DIDO1: variants seen among roughly 807,000 people sequenced by gnomAD.
DIDO1 encodes death inducer-obliterator 1, also known as death-inducer obliterator 1.
In DIDO1, 16 loss-of-function variants were observed where a neutral mutation model predicts 99.4. The ratio of observed to expected loss-of-function variants is 0.16; its 90% CI spans 0.11 to 0.24. The LOEUF is 0.24. Ranked by LOEUF, DIDO1 falls within the 10% of genes least tolerant of loss-of-function variation. The pLI is 1.00. For synonymous variants in DIDO1, 1,366 were observed against 1,239.1 expected (o/e 1.10, Z -2.15); for missense variants, 2,996 against 3,014.0 (o/e 0.99, Z 0.14).
At chr20:62,927,915 C>T (rs1432332791), upstream of DIDO1, among the ~76,000 whole-genome samples, 1 of 152,128 alleles carries the variant, frequency 6.6e-6, no homozygotes, top group African/African-American at 2.4e-5. Context: ...GGGCTTTTTG[C>T]TCTCAGACAT....
chr20:62,893,160 G>C (rs2064435502), intron 12 of DIDO1, among the ~76,000 whole-genome samples, 198 bp from the exon 13 acceptor site: 1 of 151,982 alleles, frequency 6.6e-6, no homozygotes, highest in Non-Finnish European at 1.5e-5. Flanking sequence ...CAAGTAGCTG[G>C]GACTACACGC....
intron 2 of DIDO1, among the ~76,000 whole-genome samples, chr20:62,912,359 A>T (rs777168378): frequency 1.3e-5 from 2 of 151,964 alleles, no homozygotes; most frequent in Non-Finnish European, 2.9e-5. Context: ...AGCTTTGGAG[A>T]TATTGTTAGC....
At chr20:62,885,245 G>C (rs894361695) in intron 15 of DIDO1, among the ~76,000 whole-genome samples, 1 of 152,108 alleles carries the variant, frequency 6.6e-6, no homozygotes, top group Non-Finnish European at 1.5e-5. Context: ...GCTAGGCCTC[G>C]GGAAGGACCC....
Position 62,896,929 on chromosome 20 carries a change from A to G in DIDO1, c.1656T>C (p.Pro552=), listed in dbSNP as rs773358430. The G allele has an allele frequency of 6.2e-7, 1 of 1,613,924 alleles. No homozygotes were observed. Among genetic ancestry groups the G allele is most frequent in the Non-Finnish European group, 8.5e-7 (1 of 1,179,926 alleles). The change falls in exon 7 of 16, where the codon CCT becomes CCC. Residue 552 remains proline (P), a synonymous_variant. Coordinates refer to ENST00000395343, the MANE Select transcript of DIDO1 (RefSeq NM_001193369.2). This position sits in a 1 kb window ranked among gnomAD's most constrained non-coding sequence, Gnocchi z 4.4. ...AAMAASKKTA[P]PGSAVGKQPA... Reference sequence around the variant, plus strand: ...GCTGCTTGCCCACCGCGGAGCCTGGAGGGGCTGTTTTCTTTGAGGCTGCCA... The same window carrying G: ...GCTGCTTGCCCACCGCGGAGCCTGGGGGGGCTGTTTTCTTTGAGGCTGCCA...
At chr20:62,922,105 TATATACACACACACACACAC>T (rs2065158076) in intron 1 of DIDO1, among the ~76,000 whole-genome samples, 2 of 67,778 alleles carry the variant, frequency 3.0e-5, no homozygotes, top group Non-Finnish European at 3.0e-5. Context: ...ACACACTATA[TATATACACACACACACACAC>T]ATATATACAT....
upstream of DIDO1, among the ~76,000 whole-genome samples, chr20:62,927,332 G>A (rs1036712789): frequency 1.3e-5 from 2 of 152,228 alleles, no homozygotes; most frequent in African/African-American, 4.8e-5. Flanking sequence ...TCAAGAGAGG[G>A]GAAAGTGAGG....
At position 62,897,016 on chromosome 20, in the gene DIDO1, C is replaced by T. The variant is rs192287408; in HGVS notation, c.1589-20G>A. ...TCGTGGCTACAAAGAAGAACACAGG[C>T]GCTGAGTAAGGGAGGACACCACAGG... On this transcript the variant is annotated intron_variant, in intron 6 of 15. Transcript: ENST00000395343. 5,964 of 1,596,734 alleles carry T rather than the reference C, an allele frequency of 3.7e-3. 18 individuals carry two copies. Among genetic ancestry groups the T allele is most frequent in the Non-Finnish European group, 4.3e-3 (5,022 of 1,171,346 alleles).
intron 6 of DIDO1, among the ~76,000 whole-genome samples, chr20:62,903,032 G>A (rs940020438): frequency 1.1e-3 from 163 of 152,036 alleles, no homozygotes; most frequent in African/African-American, 3.6e-3. Context: ...AATGGGAGGT[G>A]AACAGTGGAA....
intron 6 of DIDO1, among the ~76,000 whole-genome samples, chr20:62,901,484 C>G (rs967385730): frequency 6.6e-6 from 1 of 152,182 alleles, no homozygotes; most frequent in Non-Finnish European, 1.5e-5. Context: ...ATCTCCCACA[C>G]GAGTAATTTA....
rs370073797 is a variant in DIDO1, at chr20:62,879,597, C to T, written c.6359G>A (p.Gly2120Asp). 2 of 1,602,524 alleles carry T rather than the reference C, an allele frequency of 1.2e-6. No individual in the cohort carries two copies. Among genetic ancestry groups the T allele is most frequent in the African/African-American group, 1.3e-5 (1 of 74,800 alleles). Residue 2120 changes from glycine (G) to aspartate (D), a missense_variant, in exon 16 of 16, where the codon GGC becomes GAC. Around this residue, in one of 5 missense-constraint regions of DIDO1, gnomAD observed 1,562 missense variants for 1,412.6 expected, o/e 1.11. Coordinates refer to ENST00000395343, the MANE Select transcript of DIDO1 (RefSeq NM_001193369.2). The surrounding 1 kb of genome is among the most constrained non-coding windows in gnomAD (Gnocchi z 6.3). ...SEDRRRERER[G>D]RNWSRERDWD... Reference sequence around the variant, plus strand: ...GTCCCGCTCTCGGCTCCAGTTTCGGCCGCGCTCGCGCTCTCTCCTCCTGTC... The same window carrying T: ...GTCCCGCTCTCGGCTCCAGTTTCGGTCGCGCTCGCGCTCTCTCCTCCTGTC...
At chr20:62,893,200 C>T (rs1486550715) in intron 12 of DIDO1, among the ~76,000 whole-genome samples, 1 of 152,048 alleles carries the variant, frequency 6.6e-6, no homozygotes, top group Non-Finnish European at 1.5e-5. Flanking sequence ...TAATTTTTGT[C>T]TTTTTTGTAG....
chr20:62,902,386 T>C (rs1161199357), intron 6 of DIDO1, among the ~76,000 whole-genome samples: 2 of 152,212 alleles, frequency 1.3e-5, no homozygotes, highest in Non-Finnish European at 2.9e-5. Flanking sequence ...ATTTTTCTAA[T>C]TGGGAGGAAG....
At chr20:62,910,687 C>T in intron 3 of DIDO1, 87 bp downstream of exon 3, 1 of 1,443,012 alleles carries the variant, frequency 6.9e-7, no homozygotes. Flanking sequence ...CTCATCCAGC[C>T]CAGCTTTGTA....
At chr20:62,920,571 T>G (rs144044054) in intron 1 of DIDO1, among the ~76,000 whole-genome samples, 53 of 152,330 alleles carry the variant, frequency 3.5e-4, no homozygotes, top group African/African-American at 1.3e-3. Context: ...AAGTAATCAA[T>G]TTCCCCAAGT....
intron 6 of DIDO1, among the ~76,000 whole-genome samples, chr20:62,903,004 A>T (rs1209022492): frequency 6.6e-6 from 1 of 152,194 alleles, no homozygotes; most frequent in South Asian, 2.1e-4. Context: ...TTTCCAACTG[A>T]CTTCATGCCT....
intron 8 of DIDO1, among the ~76,000 whole-genome samples, chr20:62,895,477 C>A (rs985979123): frequency 6.6e-6 from 1 of 152,166 alleles, no homozygotes; most frequent in East Asian, 1.9e-4. Context: ...AAACAACACA[C>A]AACACCTCAG....
rs1395562648 is a variant in DIDO1 at position 62,878,203 on chromosome 20, A to T, written c.*1030T>A. The T allele has an allele frequency of 2.0e-5, 3 of 152,224 alleles. No homozygotes were observed. The highest frequency in any genetic ancestry group is 4.4e-5 in the Non-Finnish European group (3 of 68,042). 9.4% of individuals were successfully genotyped at this position (152,224 alleles called of 1,614,324 possible). On this transcript the variant is annotated 3_prime_UTR_variant, in exon 16 of 16. Coordinates refer to ENST00000395343, the MANE Select transcript of DIDO1 (RefSeq NM_001193369.2). ...TTATCAAAGTGTATTTGTACAAATA[A>T]ATTAGCCAGATTTTTTTACTTCACA...
Position 62,896,205 on chromosome 20 carries a change from C to A in DIDO1, c.2214+28G>T. On this transcript the variant is annotated intron_variant, in intron 8 of 15. Transcript: ENST00000395343. The surrounding 1 kb of genome is among the most constrained non-coding windows in gnomAD (Gnocchi z 4.4). The stretch of plus-strand genomic sequence containing the variant: ...GCACCCAGCGAACAGAACAGGAATA[C>A]TCCAATGCACCGACACCAGGCACAC... 1 of 1,605,912 alleles carries A rather than the reference C, an allele frequency of 6.2e-7. No individual in the cohort carries two copies. The highest frequency in any genetic ancestry group is 8.5e-7 in the Non-Finnish European group (1 of 1,176,488).
At chr20:62,900,156 C>T (rs949010799) in intron 6 of DIDO1, among the ~76,000 whole-genome samples, 19 of 152,216 alleles carry the variant, frequency 1.2e-4, no homozygotes, top group African/African-American at 4.3e-4. Context: ...TCACACCGCA[C>T]AGCACTGATG....
Sources: gnomAD v4.1 joint callset for allele counts (sites outside exome capture counted in the v4.1 genomes callset) on GRCh38, gnomAD v4.1.1 for gene constraint, gnomAD v4.1.1 regional missense constraint, Gnocchi (gnomAD v3.1) non-coding constraint, MANE v1.5 for transcripts, NCBI Gene and HGNC (gene_info 2026-07-23, HGNC 2026-07-21) for gene names.